The following MYO10 variants were observed in gnomAD, a reference collection of about 807,000 sequenced individuals.
MYO10 encodes myosin X.
In MYO10, 133 loss-of-function variants were observed where a neutral mutation model predicts 257.3. The observed-to-expected ratio is 0.52, with a 90% CI of 0.45 to 0.60. MYO10 has a LOEUF of 0.60. MYO10 is among the 20% of genes least tolerant of loss of function. The pLI is 0.00. For missense variants in MYO10, 2,399 were observed against 2,635.7 expected, an observed-to-expected ratio of 0.91 and a Z score of 1.97; for synonymous variants, 1,104 against 1,028.6, an observed-to-expected ratio of 1.07 and a Z score of -1.40.
At chr5:16,784,089 T>C (rs1741503385) in intron 4 of MYO10, among the ~76,000 whole-genome samples, 1 of 151,804 alleles carries the variant, frequency 6.6e-6, no homozygotes, top group South Asian at 2.1e-4. Context: ...TAAGGACAAG[T>C]GAACAAAAAA....
chr5:16,874,545 G>A (rs1744544287), intron 2 of MYO10, among the ~76,000 whole-genome samples: 2 of 152,132 alleles, frequency 1.3e-5, no homozygotes, highest in Admixed American at 6.5e-5. Flanking sequence ...CTCTAAGGCA[G>A]GTGCAAAATG....
chr5:16,834,058 A>G (rs555549763), intron 2 of MYO10, among the ~76,000 whole-genome samples: 3 of 152,146 alleles, frequency 2.0e-5, no homozygotes, highest in African/African-American at 7.2e-5. Context: ...AGCTGACTCC[A>G]TACGCATTAG....
intron 1 of MYO10, among the ~76,000 whole-genome samples, chr5:16,932,731 C>G (rs894649030): frequency 6.6e-6 from 1 of 152,110 alleles, no homozygotes; most frequent in Non-Finnish European, 1.5e-5. Flanking sequence ...TTGCAAGCTT[C>G]CCCCTGGCGC....
intron 3 of MYO10, among the ~76,000 whole-genome samples, chr5:16,810,451 C>T (rs1742402753): frequency 6.6e-6 from 1 of 152,178 alleles, no homozygotes; most frequent in East Asian, 1.9e-4. Context: ...CATATCACTT[C>T]CCTCTTAAAT....
chr5:16,749,468 C>CAG (rs1181649616), intron 19 of MYO10, among the ~76,000 whole-genome samples: 1 of 144,268 alleles, frequency 6.9e-6, no homozygotes. Flanking sequence ...GCCTGGGTGA[C>CAG]AGAGAGACTC....
chr5:16,866,476 C>T (rs1444265825), intron 2 of MYO10, among the ~76,000 whole-genome samples: 1 of 152,026 alleles, frequency 6.6e-6, no homozygotes, highest in African/African-American at 2.4e-5. Flanking sequence ...ATGTGATTGC[C>T]GATCTCTAAC....
intron 4 of MYO10, among the ~76,000 whole-genome samples, chr5:16,789,632 G>T (rs1349623682): frequency 6.6e-6 from 1 of 151,906 alleles, no homozygotes; most frequent in Non-Finnish European, 1.5e-5. Context: ...GTAAAAATAC[G>T]ATAAAAAAAA....
chr5:16,759,497 G>A (rs1013110163), intron 17 of MYO10, among the ~76,000 whole-genome samples: 2 of 152,138 alleles, frequency 1.3e-5, no homozygotes, highest in African/African-American at 4.8e-5. Flanking sequence ...CCATTAAAAT[G>A]TCACAGATGT....
intron 34 of MYO10, 132 bp from the exon 35 acceptor site, chr5:16,675,282 A>C: frequency 1.2e-6 from 1 of 855,720 alleles, no homozygotes; most frequent in Non-Finnish European, 1.8e-6. Context: ...CTCCCTATAC[A>C]TCTCAATCAG....
chr5:16,771,547 T>TTTATTATTATTATTA (rs201265648), intron 9 of MYO10, among the ~76,000 whole-genome samples: 1 of 136,900 alleles, frequency 7.3e-6, no homozygotes, highest in Non-Finnish European at 1.5e-5. Context: ...ACTATTATGA[T>TTTATTATTATTATTA]TTATTATTAT....
At chr5:16,742,804 T>G (rs1740058917) in intron 19 of MYO10, among the ~76,000 whole-genome samples, 2 of 139,024 alleles carry the variant, frequency 1.4e-5, no homozygotes, top group African/African-American at 6.0e-5. Flanking sequence ...AGAGCAAGAC[T>G]CGGTCTCAAA....
rs2126434207 is a variant in MYO10 at position 16,663,294 on chromosome 5, A to G, written c.*3398T>C. The G allele has an allele frequency of 7.1e-6, 1 of 141,372 alleles. No homozygotes were observed. Among genetic ancestry groups the G allele is most frequent in the African/African-American group, 2.7e-5 (1 of 37,122 alleles). The allele number at this position is 141,372 out of a possible 1,614,324, so 8.8% of individuals were successfully genotyped here. Reference sequence around the variant, plus strand: ...GAAAGGAAAATGGGTAATTAGGGCTACAGCTGGAAAAAAGTAACATTTTAC... The same window carrying G: ...GAAAGGAAAATGGGTAATTAGGGCTGCAGCTGGAAAAAAGTAACATTTTAC... On this transcript the variant is annotated 3_prime_UTR_variant, in exon 41 of 41. Coordinates refer to ENST00000513610, the MANE Select transcript of MYO10 (RefSeq NM_012334.3).
At chr5:16,695,287 T>C (rs1428661517) in intron 26 of MYO10, among the ~76,000 whole-genome samples, 1 of 152,132 alleles carries the variant, frequency 6.6e-6, no homozygotes, top group Admixed American at 6.5e-5. Context: ...TGAGCAGAGA[T>C]TGTACCACTA....
chr5:16,844,956 A>ACACG (rs559810225), intron 2 of MYO10, among the ~76,000 whole-genome samples: 4,441 of 87,818 alleles, frequency 0.051, 202 homozygotes, highest in African/African-American at 0.16. Context: ...ACACACACGC[A>ACACG]CACACACACA....
intron 1 of MYO10, among the ~76,000 whole-genome samples, chr5:16,926,812 C>T (rs945174409): frequency 2.6e-5 from 4 of 151,574 alleles, no homozygotes; most frequent in Admixed American, 2.0e-4. Context: ...AACCACATAA[C>T]AAGTGAGTTT....
chr5:16,777,862 TTTTTTG>T (rs1741269615), intron 9 of MYO10, among the ~76,000 whole-genome samples: 1 of 141,780 alleles, frequency 7.1e-6, no homozygotes, highest in African/African-American at 2.7e-5. Context: ...TTTTTTTTTT[TTTTTTG>T]AGACGGAGTC....
At chr5:16,823,815 T>G (rs1462553032) in intron 2 of MYO10, among the ~76,000 whole-genome samples, 5 of 151,918 alleles carry the variant, frequency 3.3e-5, no homozygotes, top group African/African-American at 7.3e-5. Flanking sequence ...GAACTTTTCC[T>G]GAAGGAAACA....
At chr5:16,826,493 G>C (rs994497727) in intron 2 of MYO10, among the ~76,000 whole-genome samples, 7 of 152,206 alleles carry the variant, frequency 4.6e-5, no homozygotes, top group African/African-American at 1.7e-4. Flanking sequence ...ATTCTATGAG[G>C]AAAAAGCAAG....
chr5:16,729,176 T>C (rs1186545164), intron 19 of MYO10, among the ~76,000 whole-genome samples: 1 of 152,204 alleles, frequency 6.6e-6, no homozygotes, highest in African/African-American at 2.4e-5. Flanking sequence ...TTGGTGTATA[T>C]AAAAATCCAC....
Sources: gnomAD v4.1 joint callset for allele counts (sites outside exome capture counted in the v4.1 genomes callset) on GRCh38, gnomAD v4.1.1 for gene constraint, MANE v1.5 for transcripts, NCBI Gene and HGNC (gene_info 2026-07-23, HGNC 2026-07-21) for gene names.